Variants in TMEM182 observed in about 807,000 individuals in gnomAD.
The protein encoded by TMEM182 is transmembrane protein 182.
Under a neutral mutation model 26.8 loss-of-function variants are expected in TMEM182, and 20 were observed. The observed-to-expected ratio is 0.75, with a 90% CI of 0.53 to 1.09. The LOEUF is 1.09. Ranked by LOEUF, TMEM182 falls within the 50% of genes least tolerant of loss-of-function variation. The pLI is 0.00. For synonymous variants in TMEM182, 109 were observed against 102.2 expected (o/e 1.07, Z -0.40); for missense variants, 277 against 275.5 (o/e 1.01, Z -0.04).
Position 102,816,866 on chromosome 2 carries a change from T to C in TMEM182, c.*1898T>C. 1.0e-6 allele frequency: 1 copy of C among 985,844 alleles called. No homozygotes were observed. Among genetic ancestry groups the C allele is most frequent in the Non-Finnish European group, 1.2e-6 (1 of 829,926 alleles). 61.1% of individuals were successfully genotyped at this position (985,844 alleles called of 1,614,324 possible). On this transcript the variant is annotated 3_prime_UTR_variant, in exon 5 of 5. Transcript: ENST00000412401. ...TGGTGTACTGTATGCCATTTAAGTTTCACATACAAGCTGCTTTCGGCAAAG... is the reference window on the plus strand; with the variant it reads ...TGGTGTACTGTATGCCATTTAAGTTCCACATACAAGCTGCTTTCGGCAAAG...
At chr2:102,760,288 A>G (rs781496354), upstream of TMEM182, among the ~76,000 whole-genome samples, 2 of 152,100 alleles carry the variant, frequency 1.3e-5, no homozygotes, top group East Asian at 1.9e-4. Flanking sequence ...GGTGATGGCT[A>G]TCTTTAAAAT....
intron 3 of TMEM182, among the ~76,000 whole-genome samples, chr2:102,772,317 C>T (rs1028391658): frequency 2.6e-5 from 4 of 152,152 alleles, no homozygotes; most frequent in Non-Finnish European, 4.4e-5. Context: ...TTCTTGCCCT[C>T]GTGGGGCTTT....
chr2:102,770,336 G>T (rs377401494), intron 3 of TMEM182, among the ~76,000 whole-genome samples: 34 of 152,120 alleles, frequency 2.2e-4, no homozygotes, highest in African/African-American at 8.2e-4. Context: ...TTCACCAAGG[G>T]CTCAGCTACA....
chr2:102,753,496 A>G (rs1371262985), intron 1 of TMEM182, among the ~76,000 whole-genome samples: 1 of 152,066 alleles, frequency 6.6e-6, no homozygotes, highest in Non-Finnish European at 1.5e-5. Flanking sequence ...GCATCAAATA[A>G]TGTGAAACTA....
At chr2:102,808,836 C>G (rs957528958) in intron 4 of TMEM182, among the ~76,000 whole-genome samples, 3 of 152,192 alleles carry the variant, frequency 2.0e-5, no homozygotes, top group Admixed American at 2.0e-4. Flanking sequence ...AAACAAAAGA[C>G]TGTATACTGC....
rs188322175 is a variant in TMEM182, at chr2:102,777,839, A to C, written c.331+13412A>C. Among the ~76,000 whole-genome samples, 357 of 138,748 alleles carry C rather than the reference A, an allele frequency of 2.6e-3. 1 individual carries two copies. Among genetic ancestry groups the C allele is most frequent in the Non-Finnish European group, 4.2e-3 (270 of 64,526 alleles). The allele number at this position is 138,748 out of a possible 152,430, so 91.0% of individuals were successfully genotyped here. The stretch of plus-strand genomic sequence containing the variant: ...TTCCAGTACTACGTTTCTGTCATTG[A>C]TTTCTAGTTCATTCAATTGTGGGCA... On this transcript the variant is annotated intron_variant, in intron 3 of 4. Transcript: ENST00000412401.
intron 3 of TMEM182, among the ~76,000 whole-genome samples, chr2:102,793,361 T>C (rs1018784305): frequency 6.6e-6 from 1 of 152,132 alleles, no homozygotes; most frequent in Non-Finnish European, 1.5e-5. Context: ...CCATGAGAGA[T>C]GGTATGAGAA....
intron 1 of TMEM182, among the ~76,000 whole-genome samples, chr2:102,745,082 T>C (rs1008993924): frequency 5.9e-5 from 9 of 152,028 alleles, no homozygotes; most frequent in Admixed American, 3.3e-4. Context: ...AGATGTTGGA[T>C]AGTGTATTCT....
At chr2:102,832,283 A>G (rs1179369681) in intron 3 of TMEM182, among the ~76,000 whole-genome samples, 1 of 152,152 alleles carries the variant, frequency 6.6e-6, no homozygotes, top group African/African-American at 2.4e-5. Flanking sequence ...ATTACATCCT[A>G]CTTTTGGTAT....
At chr2:102,738,850 G>A (rs1010759031) in intron 1 of TMEM182, among the ~76,000 whole-genome samples, 1 of 152,188 alleles carries the variant, frequency 6.6e-6, no homozygotes. Flanking sequence ...ATTTAATGAT[G>A]TTCAGATGCC....
intron 3 of TMEM182, among the ~76,000 whole-genome samples, chr2:102,777,165 G>A (rs1030928345): frequency 5.9e-5 from 9 of 151,820 alleles, no homozygotes; most frequent in African/African-American, 2.2e-4. Flanking sequence ...AGTCCAATTT[G>A]TCTCTGTTTT....
chr2:102,769,474 T>C (rs2104671499), intron 3 of TMEM182, among the ~76,000 whole-genome samples: 1 of 152,284 alleles, frequency 6.6e-6, no homozygotes, highest in East Asian at 1.9e-4. Context: ...CAATAAGTAT[T>C]ATTTTAGTGG....
chr2:102,764,400 AACTCGACCTCCTATG>A lies in TMEM182; in HGVS notation c.309_323del (p.Thr104_Ser108del). 1.2e-6 allele frequency: 2 copies of A among 1,613,904 alleles called. No homozygotes were observed. The highest frequency in any genetic ancestry group is 1.7e-6 in the Non-Finnish European group (2 of 1,179,884). On this transcript the variant is annotated inframe_deletion, in exon 3 of 5. Coordinates refer to ENST00000412401, the MANE Select transcript of TMEM182 (RefSeq NM_144632.5). ...GTACCCCTTCATGAGAGGCGAGCAC[AACTCGACCTCCTATG>A]ACTCTGCAGTTAGTAAGTACCCTCT... is the stretch of plus-strand genomic sequence containing the variant.
chr2:102,789,188 C>T (rs548146897), intron 3 of TMEM182, among the ~76,000 whole-genome samples: 1 of 152,216 alleles, frequency 6.6e-6, no homozygotes, highest in South Asian at 2.1e-4. Context: ...GAGGATGTGT[C>T]GAAACACAGG....
intron 4 of TMEM182, 51 bp from the exon 5 acceptor site, chr2:102,814,697 T>G: frequency 5.9e-6 from 9 of 1,532,516 alleles, no homozygotes; most frequent in Non-Finnish European, 8.0e-6. Flanking sequence ...ATAGCGTTCT[T>G]GAGAAAACAT....
downstream of TMEM182, among the ~76,000 whole-genome samples, chr2:102,819,868 C>T (rs142272210): frequency 2.0e-5 from 3 of 152,284 alleles, no homozygotes; most frequent in South Asian, 2.1e-4. Context: ...AGTGCTACCA[C>T]GGCCTTCTCT....
downstream of TMEM182, among the ~76,000 whole-genome samples, chr2:102,820,906 T>C (rs1682904189): frequency 6.6e-6 from 1 of 151,966 alleles, no homozygotes; most frequent in Non-Finnish European, 1.5e-5. Flanking sequence ...AGCAAATGGG[T>C]GGATGGAGAA....
chr2:102,840,635 G>T (rs1000088219), intron 3 of TMEM182, among the ~76,000 whole-genome samples: 7 of 152,128 alleles, frequency 4.6e-5, no homozygotes, highest in African/African-American at 1.7e-4. Flanking sequence ...GATTAAAAAA[G>T]AACATTTGAC....
upstream of TMEM182, among the ~76,000 whole-genome samples, chr2:102,759,938 G>A (rs1680156981): frequency 6.6e-6 from 1 of 152,130 alleles, no homozygotes; most frequent in South Asian, 2.1e-4. Flanking sequence ...TTTCATGTAA[G>A]GTTTCCTGTA....
Sources: allele counts gnomAD v4.1 joint callset (sites outside exome capture counted in the v4.1 genomes callset), GRCh38; gene constraint gnomAD v4.1.1; transcripts MANE v1.5; gene names NCBI Gene and HGNC (gene_info 2026-07-23, HGNC 2026-07-21).